AOPEP: variants seen among roughly 807,000 people sequenced by gnomAD.
The protein encoded by AOPEP is aminopeptidase O (putative).
Under a neutral mutation model 98.1 loss-of-function variants are expected in AOPEP, and 77 were observed. The ratio of observed to expected loss-of-function variants is 0.78; its 90% CI spans 0.65 to 0.95. AOPEP has a LOEUF of 0.95. AOPEP is among the 40% of genes least tolerant of loss of function. The probability of loss-of-function intolerance (pLI) is 0.00; values close to 1 mark genes in which losing one functional copy is unlikely to be tolerated. For missense variants in AOPEP, 1,024 were observed against 1,024.7 expected, an observed-to-expected ratio of 1.00 and a Z score of 0.01; for synonymous variants, 346 against 365.3, an observed-to-expected ratio of 0.95 and a Z score of 0.60.
intron 3 of AOPEP, among the ~76,000 whole-genome samples, chr9:94,784,550 A>C (rs551721719): frequency 6.6e-6 from 1 of 152,350 alleles, no homozygotes; most frequent in Non-Finnish European, 1.5e-5. Context: ...CATTGAAAAA[A>C]TAATTAAGAT....
At chr9:94,883,078 C>T (rs2047780955) in intron 5 of AOPEP, among the ~76,000 whole-genome samples, 1 of 152,176 alleles carries the variant, frequency 6.6e-6, no homozygotes, top group Admixed American at 6.5e-5. Flanking sequence ...GCTGAGAACA[C>T]AAGTCAGTGG....
chr9:95,119,649 C>T, the AOPEP span, among the ~76,000 whole-genome samples: 1 of 152,106 alleles, frequency 6.6e-6, no homozygotes, highest in Non-Finnish European at 1.5e-5. Context: ...CAGGCATGAG[C>T]CACCGTGCCT....
At chr9:94,977,183 C>T (rs10993429) in intron 10 of AOPEP, among the ~76,000 whole-genome samples, 11,802 of 152,116 alleles carry the variant, frequency 0.078, 1,149 homozygotes, top group African/African-American at 0.23. Context: ...TTATAAAGTG[C>T]ATTGAAAGCA....
chr9:94,879,536 C>G (rs556717560), intron 5 of AOPEP, among the ~76,000 whole-genome samples: 5 of 152,308 alleles, frequency 3.3e-5, no homozygotes, highest in African/African-American at 1.2e-4. Flanking sequence ...CTATCTATAG[C>G]TGGAGATTTC....
chr9:95,021,886 C>A (rs1346330021), intron 13 of AOPEP: 2 of 152,226 alleles, frequency 1.3e-5, no homozygotes, highest in East Asian at 1.9e-4. Context: ...AGCAAGTAAA[C>A]CGGCTCCAGA....
chr9:94,800,641 C>T (rs1848009918), intron 4 of AOPEP, 116 bp from the exon 5 acceptor site: 6 of 1,076,468 alleles, frequency 5.6e-6, no homozygotes, highest in Non-Finnish European at 8.4e-6. Context: ...GCAGTCTTTG[C>T]TTGTGAGTCT....
chr9:94,759,075 T>A (rs1033263081), intron 1 of AOPEP, among the ~76,000 whole-genome samples: 5 of 152,226 alleles, frequency 3.3e-5, no homozygotes, highest in African/African-American at 1.2e-4. Flanking sequence ...AAAGGAATAC[T>A]TAGAATGCAC....
At chr9:94,985,624 T>C (rs1197502201) in intron 11 of AOPEP, among the ~76,000 whole-genome samples, 1 of 152,222 alleles carries the variant, frequency 6.6e-6, no homozygotes, top group African/African-American at 2.4e-5. Context: ...ATTTTGCAAA[T>C]TTCAGAGAAA....
intron 1 of AOPEP, among the ~76,000 whole-genome samples, chr9:94,736,042 A>G (rs1202815032): frequency 1.3e-5 from 2 of 152,142 alleles, no homozygotes; most frequent in African/African-American, 4.8e-5. Flanking sequence ...CACTGTGTGG[A>G]TGGACATTTT....
intron 15 of AOPEP, among the ~76,000 whole-genome samples, chr9:95,081,745 C>A (rs1054964350): frequency 2.0e-5 from 3 of 152,188 alleles, no homozygotes; most frequent in African/African-American, 7.2e-5. Context: ...GAATTGTGAT[C>A]TTTGACAAAT....
intron 13 of AOPEP, among the ~76,000 whole-genome samples, chr9:95,014,991 C>G (rs1482733033): frequency 6.6e-6 from 1 of 152,288 alleles, no homozygotes; most frequent in African/African-American, 2.4e-5. Flanking sequence ...ATCAAACACA[C>G]AGCATATCAA....
chr9:94,965,747 G>A (rs1343837800), intron 9 of AOPEP, among the ~76,000 whole-genome samples: 1 of 152,106 alleles, frequency 6.6e-6, no homozygotes, highest in Non-Finnish European at 1.5e-5. Context: ...TGGTTCTATT[G>A]GGAGGCTTCG....
chr9:94,996,100 ATAT>A, intron 11 of AOPEP, among the ~76,000 whole-genome samples: 1 of 152,134 alleles, frequency 6.6e-6, no homozygotes, highest in Non-Finnish European at 1.5e-5. Context: ...GGCTTTCCTT[ATAT>A]GGACACAGCT....
chr9:94,887,194 A>G (rs564790323), intron 5 of AOPEP, among the ~76,000 whole-genome samples: 1 of 152,078 alleles, frequency 6.6e-6, no homozygotes, highest in Admixed American at 6.6e-5. Flanking sequence ...AAAATTAAAA[A>G]AAAATTAGTC....
At chr9:94,989,609 CTTTT>C (rs71498953) in intron 11 of AOPEP, among the ~76,000 whole-genome samples, 41 of 123,952 alleles carry the variant, frequency 3.3e-4, no homozygotes, top group African/African-American at 1.2e-3. Context: ...GTAACCCAAA[CTTTT>C]TTTTTTTTTT....
At chr9:95,135,572 C>G in the AOPEP span, 4 of 1,369,260 alleles carry the variant, frequency 2.9e-6, no homozygotes, top group Non-Finnish European at 4.1e-6. Context: ...AAAAAAAGTT[C>G]AAAATGCAAT....
intron 5 of AOPEP, among the ~76,000 whole-genome samples, chr9:94,809,341 GA>G (rs1423794970): frequency 1.3e-5 from 2 of 152,188 alleles, no homozygotes; most frequent in East Asian, 3.9e-4. Context: ...CTTGAAGACA[GA>G]GACAGGATAA....
intron 5 of AOPEP, among the ~76,000 whole-genome samples, chr9:94,919,123 C>T (rs1232812619): frequency 6.6e-6 from 1 of 152,084 alleles, no homozygotes; most frequent in South Asian, 2.1e-4. Flanking sequence ...ACTATGTTGG[C>T]CAGGCTGGTC....
intron 11 of AOPEP, among the ~76,000 whole-genome samples, chr9:95,001,554 C>T (rs1047965020): frequency 6.6e-6 from 1 of 152,276 alleles, no homozygotes; most frequent in Non-Finnish European, 1.5e-5. Flanking sequence ...TCATTGGCAT[C>T]AGCCTGTGAA....
Sources: gnomAD v4.1 joint callset for allele counts (sites outside exome capture counted in the v4.1 genomes callset) on GRCh38, gnomAD v4.1.1 for gene constraint, MANE v1.5 for transcripts, NCBI Gene and HGNC (gene_info 2026-07-23, HGNC 2026-07-21) for gene names.